The following CACNA1C variants were observed in gnomAD, a reference collection of about 807,000 sequenced individuals.
CACNA1C encodes the protein voltage-dependent L-type calcium channel subunit alpha-1C.
In CACNA1C, 30 loss-of-function variants were observed where a neutral mutation model predicts 229.0. The observed-to-expected ratio is 0.13, with a 90% CI of 0.10 to 0.18. CACNA1C has a LOEUF of 0.18. Among genes scored for constraint, CACNA1C ranks in the 10% least tolerant of loss-of-function variants. The pLI, the probability that CACNA1C is intolerant of heterozygous loss-of-function variation, is 1.00. For missense variants in CACNA1C, 1,658 were observed against 2,845.0 expected, an observed-to-expected ratio of 0.58 and a Z score of 9.49; for synonymous variants, 1,114 against 1,132.5, an observed-to-expected ratio of 0.98 and a Z score of 0.33.
chr12:2,416,892 C>T (rs1159200770), intron 3 of CACNA1C, among the ~76,000 whole-genome samples: 1 of 152,192 alleles, frequency 6.6e-6, no homozygotes. Flanking sequence ...AAGCAGAGGC[C>T]GGATTCGAAC....
At chr12:2,402,878 A>G (rs112797601) in intron 3 of CACNA1C, among the ~76,000 whole-genome samples, 8 of 152,338 alleles carry the variant, frequency 5.3e-5, no homozygotes, top group African/African-American at 1.9e-4. Context: ...AAGCCATATC[A>G]ATTATAATAC....
intron 27 of CACNA1C, among the ~76,000 whole-genome samples, 185 bp from the exon 28 acceptor site, chr12:2,610,356 C>G (rs1262080050): frequency 6.6e-6 from 1 of 152,122 alleles, no homozygotes; most frequent in African/African-American, 2.4e-5. Flanking sequence ...ATGGAAAAAT[C>G]AAGACATTTT....
intron 30 of CACNA1C, among the ~76,000 whole-genome samples, chr12:2,644,817 T>C (rs1266920802): frequency 6.6e-6 from 1 of 152,200 alleles, no homozygotes; most frequent in Non-Finnish European, 1.5e-5. Context: ...GAGACCTCCC[T>C]CTCATTAGCT....
intron 3 of CACNA1C, among the ~76,000 whole-genome samples, chr12:2,141,384 C>T (rs925495976): frequency 6.6e-6 from 1 of 151,186 alleles, no homozygotes; most frequent in Admixed American, 6.6e-5. Context: ...CCAGAGCTCA[C>T]TGGGGAAGAA....
Position 2,504,109 on chromosome 12 carries a change from C to G in CACNA1C, c.1114-733C>G, listed in dbSNP as rs2099766502. Among the ~76,000 whole-genome samples, 1 of 152,214 alleles carries G rather than the reference C, an allele frequency of 6.6e-6. No homozygotes were observed. Among genetic ancestry groups the G allele is most frequent in the Non-Finnish European group, 1.5e-5 (1 of 68,048 alleles). ...CAAACCCAAGTGAGTTAAACCATCC[C>G]ATGCTGAAGAAATTATTTTTTGAGG... On this transcript the variant is annotated intron_variant, in intron 7 of 46. Coordinates refer to ENST00000399655, the MANE Select transcript of CACNA1C (RefSeq NM_000719.7). The surrounding 1 kb of genome is among the most constrained non-coding windows in gnomAD (Gnocchi z 6.8).
At position 2,587,822 on chromosome 12, in the gene CACNA1C, G is replaced by A. The variant is rs113198482; in HGVS notation, c.2530+1918G>A. ...TGGTTACATGTGTCTCTTTACTTTC[G>A]TGTTGAGACCTCTGGTCCATACCCT... On this transcript the variant is annotated intron_variant, in intron 18 of 46. Transcript: ENST00000399655. Among the ~76,000 whole-genome samples the A allele has an allele frequency of 8.2e-4, 124 of 152,070 alleles. 3 individuals carry two copies. The highest frequency in any genetic ancestry group is 2.8e-3 in the African/African-American group (115 of 41,476).
At chr12:2,220,482 C>G (rs927417167) in intron 3 of CACNA1C, 12 of 152,316 alleles carry the variant, frequency 7.9e-5, no homozygotes, top group Non-Finnish European at 1.5e-5. Context: ...GGTGCTGATA[C>G]TAGGTGTGAA....
chr12:2,436,768 A>T (rs181319107), intron 3 of CACNA1C, among the ~76,000 whole-genome samples: 79 of 152,378 alleles, frequency 5.2e-4, no homozygotes, highest in Non-Finnish European at 9.8e-4. Context: ...AAGTACTAGA[A>T]AACTCAACTC....
chr12:2,636,761 T>C (rs112118302), intron 30 of CACNA1C, among the ~76,000 whole-genome samples: 38 of 152,334 alleles, frequency 2.5e-4, no homozygotes, highest in African/African-American at 8.2e-4. Flanking sequence ...AGCCACGACT[T>C]ACTCAGAACT....
Position 2,423,715 on chromosome 12 carries a change from C to G in CACNA1C, c.478-25261C>G, listed in dbSNP as rs542962050. Among the ~76,000 whole-genome samples the G allele has an allele frequency of 3.9e-5, 6 of 152,188 alleles. No homozygotes were observed. In the South Asian group the frequency reaches 1.2e-3, roughly 32 times the overall value. On this transcript the variant is annotated intron_variant, in intron 3 of 46. Transcript: ENST00000399655. The stretch of plus-strand genomic sequence containing the variant: ...ACAGTCTGTATGTGACCCCAGTGAC[C>G]CCAGAATTTACTGCGCTGTGTCTAC...
intron 3 of CACNA1C, among the ~76,000 whole-genome samples, chr12:2,423,347 C>T (rs1270216581): frequency 2.6e-5 from 4 of 152,068 alleles, no homozygotes; most frequent in African/African-American, 9.7e-5. Context: ...AAGTAAAGGC[C>T]AAGTAAAGGG....
chr12:2,450,553 C>CAG (rs1555604243), intron 4 of CACNA1C, among the ~76,000 whole-genome samples: 3 of 39,020 alleles, frequency 7.7e-5, no homozygotes, highest in Non-Finnish European at 1.4e-4. Flanking sequence ...GACTCCATCT[C>CAG]AAAAAAAAAA....
At chr12:2,214,718 CTCCTTGGAT>C (rs1467895575) in intron 3 of CACNA1C, among the ~76,000 whole-genome samples, 2 of 50,516 alleles carry the variant, frequency 4.0e-5, no homozygotes, top group East Asian at 8.6e-4. Context: ...GGACCTTGCA[CTCCTTGGAT>C]AAGAGGTGTC....
At chr12:2,022,544 A>C (rs2046646006) in intron 1 of CACNA1C, among the ~76,000 whole-genome samples, 1 of 151,482 alleles carries the variant, frequency 6.6e-6, no homozygotes, top group South Asian at 2.1e-4. Flanking sequence ...TCTGGGTCCA[A>C]GTGGTCCTCC....
At chr12:2,337,085 G>A (rs1435210719) in intron 3 of CACNA1C, among the ~76,000 whole-genome samples, 1 of 152,218 alleles carries the variant, frequency 6.6e-6, no homozygotes, top group Non-Finnish European at 1.5e-5. Flanking sequence ...GGTACTAGGG[G>A]ACTGGTTTCC....
intron 29 of CACNA1C, among the ~76,000 whole-genome samples, chr12:2,631,892 G>C (rs967834947): frequency 2.6e-5 from 4 of 152,150 alleles, no homozygotes; most frequent in Admixed American, 2.0e-4. Flanking sequence ...CATGTCTTTC[G>C]GTCCCTCTGG....
intron 1 of CACNA1C, among the ~76,000 whole-genome samples, chr12:2,095,404 T>G (rs1473348705): frequency 6.6e-6 from 1 of 152,230 alleles, no homozygotes; most frequent in African/African-American, 2.4e-5. Context: ...GGTTCTGCTC[T>G]GTGAATCCTG....
chr12:2,245,818 CG>C (rs1201136304), intron 3 of CACNA1C, among the ~76,000 whole-genome samples: 3 of 152,168 alleles, frequency 2.0e-5, no homozygotes, highest in Admixed American at 2.0e-4. Flanking sequence ...TGCAGAAATA[CG>C]TTGGCTTCTG....
rs2470416 is a variant in CACNA1C, at chr12:2,029,657, T to C, written c.139+58456T>C. ...ACTTTGGTTAAAGAATTTTGTTGCC[T>C]TTGTCTCTCACCACTCCCGAAGTGA... On this transcript the variant is annotated intron_variant, in intron 1 of 46. Transcript: ENST00000682462. The surrounding 1 kb of genome is among the most constrained non-coding windows in gnomAD (Gnocchi z 4.9). Among the ~76,000 whole-genome samples the C allele has an allele frequency of 0.01, 1,579 of 152,330 alleles. 34 individuals are homozygous for C. Among genetic ancestry groups the C allele is most frequent in the African/African-American group, 0.036 (1,478 of 41,568 alleles).
Sources: allele counts gnomAD v4.1 joint callset (sites outside exome capture counted in the v4.1 genomes callset), GRCh38; gene constraint gnomAD v4.1.1; non-coding constraint Gnocchi (gnomAD v3.1); transcripts MANE v1.5; gene names NCBI Gene and HGNC (gene_info 2026-07-23, HGNC 2026-07-21).